The following ABCA9 variants were observed in gnomAD, a reference collection of about 807,000 sequenced individuals.
ABCA9 encodes ATP-binding cassette sub-family A member 9.
In ABCA9, 183 loss-of-function variants were observed where a neutral mutation model predicts 205.3. The observed-to-expected ratio is 0.89, with a 90% CI of 0.79 to 1.01. ABCA9 has a LOEUF of 1.01. Among genes scored for constraint, ABCA9 ranks in the 50% least tolerant of loss-of-function variants. ABCA9 has a pLI of 0.00. For synonymous variants in ABCA9, 651 were observed against 683.3 expected (o/e 0.95, Z 0.74); for missense variants, 1,805 against 1,912.4 (o/e 0.94, Z 1.05).
chr17:69,070,892 G>A, the ABCA9 span, among the ~76,000 whole-genome samples: 1 of 152,174 alleles, frequency 6.6e-6, no homozygotes, highest in East Asian at 1.9e-4. Context: ...TGGGGTGCTC[G>A]AGCTTGGTGA....
intron 32 of ABCA9, 81 bp downstream of exon 32, chr17:68,986,083 C>A (rs1464666739): frequency 1.4e-5 from 20 of 1,412,062 alleles, no homozygotes; most frequent in Admixed American, 2.3e-5. Flanking sequence ...TCAATTACAA[C>A]CTCCCTGTCT....
At chr17:69,004,979 C>G (rs892400049) in intron 25 of ABCA9, among the ~76,000 whole-genome samples, 1 of 152,206 alleles carries the variant, frequency 6.6e-6, no homozygotes, top group Non-Finnish European at 1.5e-5. Flanking sequence ...CCTGCTTCGG[C>G]TCGTGCATGG....
At chr17:69,007,110 T>A (rs2070167044) in intron 25 of ABCA9, among the ~76,000 whole-genome samples, 1 of 152,184 alleles carries the variant, frequency 6.6e-6, no homozygotes, top group South Asian at 2.1e-4. Flanking sequence ...GCTGCAATAA[T>A]GTAATCTATT....
chr17:69,045,241 A>C lies in ABCA9; in HGVS notation c.400T>G (p.Phe134Val). The change falls in exon 4 of 39, where the codon TTC (phenylalanine) becomes GTC (valine). Residue 134 changes from phenylalanine (F) to valine (V), a missense_variant. By Grantham distance (50) the Phe-to-Val change is conservative. Transcript: ENST00000340001. ...CAAGAAAACTTCAAATGGTAGGAGA[A>C]GGTATCAGTAAAGATGACTCTCACT... Reference protein sequence around the residue: ...DAVRVIFTDTFSYHLKFSWGH... With the variant: ...DAVRVIFTDTVSYHLKFSWGH... 1 of 1,613,286 alleles carries C rather than the reference A, an allele frequency of 6.2e-7. No individual in the cohort carries two copies. Among genetic ancestry groups the C allele is most frequent in the Non-Finnish European group, 8.5e-7 (1 of 1,179,638 alleles).
chr17:69,019,521 G>C (rs1485673102), intron 19 of ABCA9, among the ~76,000 whole-genome samples: 2 of 151,906 alleles, frequency 1.3e-5, no homozygotes, highest in Non-Finnish European at 2.9e-5. Context: ...TTTCTATTTT[G>C]ACATAATCTC....
At chr17:68,992,132 G>T in intron 28 of ABCA9, 43 bp downstream of exon 28, 3 of 1,356,310 alleles carry the variant, frequency 2.2e-6, no homozygotes, top group South Asian at 2.7e-5. Flanking sequence ...CTTAAAGAAT[G>T]AATATCAAAA....
upstream of ABCA9, among the ~76,000 whole-genome samples, chr17:69,062,555 G>A (rs1567982212): frequency 6.6e-6 from 1 of 151,948 alleles, no homozygotes. Context: ...CTGTCACCCA[G>A]GCTGGAGTGC....
rs1229869968 is a variant in ABCA9, at chr17:69,000,082, T to C, written c.3436-4068A>G. On this transcript the variant is annotated intron_variant, in intron 25 of 38. Transcript: ENST00000340001. ...TTTCTCCCATGTTGTAGGTTGCCTGTTCACTCTGATGGTAGTTTCTTTTGC... is the reference window on the plus strand; with the variant it reads ...TTTCTCCCATGTTGTAGGTTGCCTGCTCACTCTGATGGTAGTTTCTTTTGC... 4.2e-4 allele frequency among the ~76,000 whole-genome samples: 63 copies of C among 151,320 alleles called. No homozygotes were observed. In the East Asian group the frequency reaches 7.8e-3, roughly 19 times the overall value.
chr17:68,975,942 C>T lies in ABCA9; in HGVS notation c.4848G>A (p.Trp1616Ter), dbSNP rs1179492348. ...LEEDFDPSVKWKLLLQEEP is the reference protein window; with the variant it reads ...LEEDFDPSVK ...AAGGCTCTTCCTGCAGGAGGAGTTT[C>T]CACTTCACCGAGGGATCAAAGTCCT... The change falls in exon 39 of 39, where the codon TGG (tryptophan) becomes TGA (stop). Residue 1616 changes from tryptophan (W) to a stop codon, truncating the protein, a stop_gained. Transcript: ENST00000340001. LOFTEE classifies it high-confidence loss of function. The T allele has an allele frequency of 6.2e-7, 1 of 1,613,334 alleles. No homozygotes were observed. Among genetic ancestry groups the T allele is most frequent in the Admixed American group, 1.7e-5 (1 of 59,882 alleles).
At chr17:69,074,233 C>G in the ABCA9 span, among the ~76,000 whole-genome samples, 2 of 151,968 alleles carry the variant, frequency 1.3e-5, no homozygotes, top group African/African-American at 4.8e-5. Context: ...TCTTCATTGA[C>G]TATAAAAATA....
chr17:69,061,131 T>C (rs978694811), upstream of ABCA9: 2 of 985,376 alleles, frequency 2.0e-6, no homozygotes, highest in South Asian at 4.7e-5. Flanking sequence ...AGCAGGGAGT[T>C]TGTAGTTGCA....
intron 25 of ABCA9, among the ~76,000 whole-genome samples, chr17:68,999,068 G>C (rs1176397749): frequency 6.6e-6 from 1 of 151,926 alleles, no homozygotes; most frequent in Non-Finnish European, 1.5e-5. Context: ...CTCTGATAAA[G>C]TGCTTATTAT....
chr17:69,033,303 C>CAAAAAAA lies in ABCA9; in HGVS notation c.1276+416_1276+422dup, dbSNP rs374917872. 14 of 86,684 alleles carry CAAAAAAA rather than the reference C, an allele frequency of 1.6e-4. 1 individual carries two copies. The highest frequency in any genetic ancestry group is 5.3e-4 in the South Asian group (1 of 1,884). The allele number at this position is 86,684 out of a possible 1,614,324, so 5.4% of individuals were successfully genotyped here. Reference sequence around the variant, plus strand: ...GCATGGGTGACAGAGCGAGACTTCTCAAAAAAAAAAAAAAAAAAAGGAAAG... The same window carrying CAAAAAAA: ...GCATGGGTGACAGAGCGAGACTTCTCAAAAAAAAAAAAAAAAAAAAAAAAAAGGAAAG... On this transcript the variant is annotated intron_variant, in intron 9 of 38. Transcript: ENST00000340001.
At chr17:68,984,846 A>G in intron 34 of ABCA9, 39 bp downstream of exon 34, 3 of 1,613,660 alleles carry the variant, frequency 1.9e-6, no homozygotes, top group Middle Eastern at 1.7e-4. Context: ...TCACAGGATC[A>G]ATACACTCAT....
chr17:69,045,089 G>T, intron 4 of ABCA9, 83 bp downstream of exon 4: 1 of 1,155,574 alleles, frequency 8.7e-7, no homozygotes, highest in Non-Finnish European at 1.2e-6. Context: ...TGTTTGTGTA[G>T]TTTCACCTCT....
intron 22 of ABCA9, among the ~76,000 whole-genome samples, chr17:69,015,170 C>G (rs2070541147): frequency 6.6e-6 from 1 of 152,120 alleles, no homozygotes; most frequent in East Asian, 1.9e-4. Context: ...ATGTGTTAGA[C>G]TGCAAAGGGA....
In ABCA9 at chr17:69,035,534, CT is replaced by C. The variant is rs2071304322; in HGVS notation, c.943-104del. ...AAGTATATTTTATATTTTTCCACCC[CT>C]AGACACTGTTTCATGCAAATACTAC... On this transcript the variant is annotated intron_variant, in intron 7 of 38. Transcript: ENST00000340001. The C allele has an allele frequency of 7.7e-6, 11 of 1,426,356 alleles. No individual in the cohort carries two copies. The South Asian group carries it at 1.1e-4, about 14-fold the overall frequency. 88.4% of individuals were successfully genotyped at this position (1,426,356 alleles called of 1,614,324 possible). A position where few individuals can be genotyped will look rare whatever the true frequency, so the allele number is the denominator to read the frequency against.
upstream of ABCA9, among the ~76,000 whole-genome samples, chr17:69,062,307 T>C (rs1195212964): frequency 6.6e-6 from 1 of 152,068 alleles, no homozygotes; most frequent in Non-Finnish European, 1.5e-5. Flanking sequence ...TTTCAGTAAC[T>C]TGTTTCCTAG....
At position 69,027,423 on chromosome 17, in the gene ABCA9, T is replaced by A; in HGVS notation, c.1818A>T (p.Glu606Asp). Residue 606 changes from glutamate (E) to aspartate (D), a missense_variant, in exon 14 of 39, where the codon GAA becomes GAT. Transcript: ENST00000340001. ...CAAGGATGTCTTGAATATTTTCCAT[T>A]TCTAATTCCTGTACAACTCGTTGTA... is the stretch of plus-strand genomic sequence containing the variant. ...KEVQRVVQEL[E>D]MENIQDILAQ... 1 of 1,612,962 alleles carries A rather than the reference T, an allele frequency of 6.2e-7. No homozygotes were observed. The highest frequency in any genetic ancestry group is 8.5e-7 in the Non-Finnish European group (1 of 1,179,382).
Sources: allele counts gnomAD v4.1 joint callset (sites outside exome capture counted in the v4.1 genomes callset), GRCh38; gene constraint gnomAD v4.1.1; transcripts MANE v1.5; gene names NCBI Gene and HGNC (gene_info 2026-07-23, HGNC 2026-07-21).